Variants in ZNF317 observed in about 807,000 individuals in gnomAD.
ZNF317 encodes KRAB-containing zinc finger protein 317.
ZNF317 carries 17 observed loss-of-function variants against 23.4 expected under a neutral mutation model. The observed-to-expected ratio is 0.73, with a 90% CI of 0.50 to 1.09. The LOEUF (loss-of-function observed/expected upper bound fraction) is 1.09. Among genes scored for constraint, ZNF317 ranks in the 50% least tolerant of loss-of-function variants. The pLI is 0.00. For missense variants in ZNF317, 679 were observed against 796.7 expected, an observed-to-expected ratio of 0.85 and a Z score of 1.78; for synonymous variants, 317 against 314.9, an observed-to-expected ratio of 1.01 and a Z score of -0.07.
chr19:9,157,416 C>A, intron 4 of ZNF317, 22 bp downstream of exon 4: 1 of 1,613,416 alleles, frequency 6.2e-7, no homozygotes, highest in South Asian at 1.1e-5. Flanking sequence ...GCCATTTCTC[C>A]ACTTATTCAT....
chr19:9,146,185 T>A (rs1483144406), intron 1 of ZNF317, among the ~76,000 whole-genome samples: 3 of 151,918 alleles, frequency 2.0e-5, no homozygotes, highest in African/African-American at 7.2e-5. Context: ...TGTGTTGCAT[T>A]TGAAATAGTT....
At chr19:9,151,585 G>A (rs934764581) in intron 1 of ZNF317, among the ~76,000 whole-genome samples, 2 of 152,064 alleles carry the variant, frequency 1.3e-5, no homozygotes, top group Non-Finnish European at 2.9e-5. Context: ...ATCCCCTCCC[G>A]AGGTGTGGGC....
chr19:9,155,903 G>A (rs936894664), intron 1 of ZNF317, 22 bp from the exon 2 acceptor site: 63 of 1,336,446 alleles, frequency 4.7e-5, no homozygotes, highest in Middle Eastern at 1.8e-4. Flanking sequence ...CACTACTCCC[G>A]ATGTTCTTTC....
chr19:9,153,432 G>A (rs563695656), intron 1 of ZNF317, among the ~76,000 whole-genome samples: 1 of 152,284 alleles, frequency 6.6e-6, no homozygotes, highest in Admixed American at 6.5e-5. Flanking sequence ...CAAAGTGCTG[G>A]GATTACAGGT....
At chr19:9,156,503 T>C in intron 2 of ZNF317, 109 bp from the exon 3 acceptor site, 1 of 1,376,682 alleles carries the variant, frequency 7.3e-7, no homozygotes, top group South Asian at 1.4e-5. Flanking sequence ...GAGAGAGGAT[T>C]GAGGATGTGA....
intron 1 of ZNF317, among the ~76,000 whole-genome samples, chr19:9,150,477 G>T (rs1345179184): frequency 1.3e-5 from 2 of 152,158 alleles, no homozygotes; most frequent in African/African-American, 4.8e-5. Context: ...CAGGGACAGG[G>T]AGACCTTCAC....
At chr19:9,155,733 A>G (rs184949504) in intron 1 of ZNF317, among the ~76,000 whole-genome samples, 192 bp from the exon 2 acceptor site, 1 of 152,320 alleles carries the variant, frequency 6.6e-6, no homozygotes, top group East Asian at 1.9e-4. Flanking sequence ...CTTATAGCAG[A>G]TCAGGGGCTG....
rs762781253 is a variant in ZNF317 at position 9,143,632 on chromosome 19, G to GTGGTTGGATTTTATAGCTAGGAAA, written c.-93+3042_-93+3043insGTTGGATTTTATAGCTAGGAAATG. ...TTCTGAGACAAACATGGCCCCATGA[G>GTGGTTGGATTTTATAGCTAGGAAA]TGCTGTCTCATCATGTTCAATCTGC... is the stretch of plus-strand genomic sequence containing the variant. On this transcript the variant is annotated intron_variant, in intron 1 of 6. Transcript: ENST00000247956. 6.1e-3 allele frequency among the ~76,000 whole-genome samples: 924 copies of GTGGTTGGATTTTATAGCTAGGAAA among 151,632 alleles called. 14 individuals are homozygous for GTGGTTGGATTTTATAGCTAGGAAA. Among genetic ancestry groups the GTGGTTGGATTTTATAGCTAGGAAA allele is most frequent in the African/African-American group, 0.022 (898 of 41,258 alleles).
At chr19:9,158,679 C>T in intron 5 of ZNF317, 147 bp from the exon 6 acceptor site, 1 of 627,510 alleles carries the variant, frequency 1.6e-6, no homozygotes, top group South Asian at 1.9e-5. Flanking sequence ...TGCCAAATAT[C>T]TCACATGACC....
At position 9,156,704 on chromosome 19, in the gene ZNF317, G is replaced by T. The variant is rs749903062; in HGVS notation, c.118G>T (p.Val40Leu). ...HSCPQNLDLFVCSGLEPHTPS... is the reference protein window; with the variant it reads ...HSCPQNLDLFLCSGLEPHTPS... The stretch of plus-strand genomic sequence containing the variant: ...CTGTCCCCAGAATTTGGACCTGTTC[G>T]TGTGCAGTGGTCTGGAGCCTCACAC... Residue 40 changes from valine (V) to leucine (L), a missense_variant, in exon 3 of 7, where the codon GTG (valine) becomes TTG (leucine). Physicochemically the swap from Val to Leu is conservative, Grantham distance 32. Coordinates refer to ENST00000247956, the MANE Select transcript of ZNF317 (RefSeq NM_020933.5). 1 of 1,614,104 alleles carries T rather than the reference G, an allele frequency of 6.2e-7. No individual in the cohort carries two copies. Among genetic ancestry groups the T allele is most frequent in the Non-Finnish European group, 8.5e-7 (1 of 1,180,024 alleles).
At chr19:9,149,467 A>T (rs1044794220) in intron 1 of ZNF317, among the ~76,000 whole-genome samples, 5 of 152,128 alleles carry the variant, frequency 3.3e-5, no homozygotes, top group Admixed American at 2.0e-4. Context: ...GCGAGACTCC[A>T]TCTCAAAAGA....
chr19:9,143,901 T>C (rs2050657785), intron 1 of ZNF317, among the ~76,000 whole-genome samples: 1 of 150,848 alleles, frequency 6.6e-6, no homozygotes, highest in Admixed American at 6.6e-5. Flanking sequence ...TTCTGTCTGA[T>C]ACTAACATTC....
At chr19:9,159,530 TTTG>T (rs905657246) in intron 6 of ZNF317, among the ~76,000 whole-genome samples, 1 of 147,998 alleles carries the variant, frequency 6.8e-6, no homozygotes. Context: ...TTTGTTTGTT[TTTG>T]TTGTTGTTTT....
At chr19:9,140,826 G>A (rs1475391035) in intron 1 of ZNF317, among the ~76,000 whole-genome samples, 1 of 152,136 alleles carries the variant, frequency 6.6e-6, no homozygotes, top group African/African-American at 2.4e-5. Flanking sequence ...ATCCTGAAAA[G>A]CCCTAAGTCT....
At chr19:9,144,370 A>G (rs2050664768) in intron 1 of ZNF317, among the ~76,000 whole-genome samples, 1 of 152,168 alleles carries the variant, frequency 6.6e-6, no homozygotes, top group South Asian at 2.1e-4. Context: ...CTATTCTGTG[A>G]ATATTAGTAT....
chr19:9,149,633 G>T (rs545690133), intron 1 of ZNF317, among the ~76,000 whole-genome samples: 1 of 152,048 alleles, frequency 6.6e-6, no homozygotes, highest in Non-Finnish European at 1.5e-5. Context: ...AGCATGGCTG[G>T]CGGGGCCTGA....
Position 9,160,612 on chromosome 19 carries a change from G to A in ZNF317, c.967G>A (p.Ala323Thr), listed in dbSNP as rs1190250636. The change falls in exon 7 of 7, where the codon GCA (alanine) becomes ACA (threonine). Residue 323 changes from alanine to threonine, a missense_variant. Physicochemically the swap from Ala to Thr is moderately conservative, Grantham distance 58. Transcript: ENST00000247956. This position sits in a 1 kb window ranked among gnomAD's most constrained non-coding sequence, Gnocchi z 6.8. Reference sequence around the variant, plus strand: ...TTACGGCCGGAGCTGCCACCTCATCGCACACAAGAGAACGCACACCGGAGA... The same window carrying A: ...TTACGGCCGGAGCTGCCACCTCATCACACACAAGAGAACGCACACCGGAGA... ...KAYGRSCHLIAHKRTHTGERP... is the reference protein window; with the variant it reads ...KAYGRSCHLITHKRTHTGERP... 2.5e-6 allele frequency: 4 copies of A among 1,613,900 alleles called. No homozygotes were observed. The highest frequency in any genetic ancestry group is 3.4e-6 in the Non-Finnish European group (4 of 1,179,970).
chr19:9,152,635 T>C (rs1168728616), intron 1 of ZNF317, among the ~76,000 whole-genome samples: 2 of 152,242 alleles, frequency 1.3e-5, no homozygotes, highest in Non-Finnish European at 2.9e-5. Flanking sequence ...GATGGGACCA[T>C]CTAGTTTCAG....
intron 1 of ZNF317, among the ~76,000 whole-genome samples, chr19:9,155,340 G>T (rs1331887702): frequency 1.3e-5 from 2 of 148,318 alleles, no homozygotes; most frequent in Non-Finnish European, 2.9e-5. Context: ...TTCAGTGAGT[G>T]GAGGAGGTGG....
Sources: allele counts gnomAD v4.1 joint callset (sites outside exome capture counted in the v4.1 genomes callset), GRCh38; gene constraint gnomAD v4.1.1; non-coding constraint Gnocchi (gnomAD v3.1); transcripts MANE v1.5; gene names NCBI Gene and HGNC (gene_info 2026-07-23, HGNC 2026-07-21).